Variants in CAMSAP2 observed in about 807,000 individuals in gnomAD.
CAMSAP2 encodes the protein calmodulin regulated spectrin associated protein family member 2.
CAMSAP2 carries 26 observed loss-of-function variants against 146.1 expected under a neutral mutation model. That is an observed-to-expected ratio of 0.18 (90% CI 0.13 to 0.25). The LOEUF (loss-of-function observed/expected upper bound fraction) is 0.25. CAMSAP2 is among the 10% of genes least tolerant of loss of function. The pLI is 1.00. For synonymous variants in CAMSAP2, 499 were observed against 596.6 expected (o/e 0.84, Z 2.38); for missense variants, 1,381 against 1,759.3 (o/e 0.78, Z 3.85).
intron 2 of CAMSAP2, among the ~76,000 whole-genome samples, chr1:200,762,374 C>T (rs1348344341): frequency 6.6e-6 from 1 of 152,080 alleles, no homozygotes; most frequent in African/African-American, 2.4e-5. Context: ...CCAAAATCAC[C>T]TTATAGTTAC....
intron 1 of CAMSAP2, among the ~76,000 whole-genome samples, chr1:200,741,827 G>C (rs1175235662): frequency 6.6e-6 from 1 of 152,238 alleles, no homozygotes; most frequent in Non-Finnish European, 1.5e-5. Flanking sequence ...ATGCTTTGCA[G>C]TAAGTTGTAC....
intron 1 of CAMSAP2, among the ~76,000 whole-genome samples, chr1:200,746,968 A>G (rs1327915414): frequency 6.6e-6 from 1 of 151,872 alleles, no homozygotes; most frequent in Non-Finnish European, 1.5e-5. Flanking sequence ...GAGTGCAGTC[A>G]TGTGATCAAA....
At chr1:200,818,220 TATG>T (rs1571795335) in intron 4 of CAMSAP2, among the ~76,000 whole-genome samples, 1 of 152,314 alleles carries the variant, frequency 6.6e-6, no homozygotes, top group East Asian at 1.9e-4. Context: ...GGGGATTTTA[TATG>T]ATGACAGAGG....
At chr1:200,791,802 CTAAAAATACA>C (rs540789640) in intron 2 of CAMSAP2, among the ~76,000 whole-genome samples, 423 of 152,178 alleles carry the variant, frequency 2.8e-3, no homozygotes, top group African/African-American at 9.4e-3. Flanking sequence ...CCTGTCTCCA[CTAAAAATACA>C]AAAATTAGCT....
chr1:200,789,832 A>G (rs1665698756), intron 2 of CAMSAP2, among the ~76,000 whole-genome samples: 1 of 152,210 alleles, frequency 6.6e-6, no homozygotes, highest in Admixed American at 6.5e-5. Context: ...TTTGTTAATC[A>G]GTTTTATAGC....
intron 6 of CAMSAP2, among the ~76,000 whole-genome samples, chr1:200,833,370 G>A (rs1667094651): frequency 6.6e-6 from 1 of 152,088 alleles, no homozygotes. Context: ...AGACCAGACT[G>A]GGCAACATGG....
Position 200,853,005 on chromosome 1 carries a change from A to G in CAMSAP2, c.3603-270A>G, listed in dbSNP as rs918264154. 2.0e-5 allele frequency among the ~76,000 whole-genome samples: 1 copy of G among 50,944 alleles called. No individual in the cohort carries two copies. The highest frequency in any genetic ancestry group is 1.9e-4 in the Admixed American group (1 of 5,152). 33.4% of individuals were successfully genotyped at this position (50,944 alleles called of 152,430 possible). The stretch of plus-strand genomic sequence containing the variant: ...AAAATAACTTTCCTGGGAGATACAC[A>G]CACACACACACACACACACACACAC... On this transcript the variant is annotated intron_variant, in intron 12 of 16. Coordinates refer to ENST00000358823, the MANE Select transcript of CAMSAP2 (RefSeq NM_203459.4). The surrounding 1 kb of genome is among the most constrained non-coding windows in gnomAD (Gnocchi z 5.1).
chr1:200,759,938 CGTTT>C (rs774086226), intron 1 of CAMSAP2, among the ~76,000 whole-genome samples: 11 of 152,140 alleles, frequency 7.2e-5, no homozygotes, highest in South Asian at 2.1e-4. Flanking sequence ...TTGTTTCTCT[CGTTT>C]GTTTTGGTAA....
At chr1:200,767,371 A>G (rs886397032) in intron 2 of CAMSAP2, among the ~76,000 whole-genome samples, 10 of 152,018 alleles carry the variant, frequency 6.6e-5, no homozygotes, top group Non-Finnish European at 1.2e-4. Flanking sequence ...CAAAAAAAAA[A>G]AAAAAAGAAT....
At chr1:200,830,604 C>T (rs754965634) in intron 4 of CAMSAP2, among the ~76,000 whole-genome samples, 13 of 152,142 alleles carry the variant, frequency 8.5e-5, no homozygotes, top group African/African-American at 2.2e-4. Flanking sequence ...TAGAAGATAC[C>T]GCTGTACTGG....
rs1298042577 is a variant in CAMSAP2, at chr1:200,849,120, G to A, written c.2351G>A (p.Arg784Lys). The change falls in exon 11 of 17, where the codon AGG (arginine) becomes AAG (lysine). Residue 784 changes from arginine to lysine, a missense_variant. By Grantham distance (26) the Arg-to-Lys change is conservative (BLOSUM62 2). This residue lies in a region of CAMSAP2 where 560 missense variants were observed against 715.9 expected (regional missense o/e 0.78). Coordinates refer to ENST00000358823, the MANE Select transcript of CAMSAP2 (RefSeq NM_203459.4). The surrounding 1 kb of genome is among the most constrained non-coding windows in gnomAD (Gnocchi z 6.3). ...ACCAAACAGAGACAGAAAATGGGAA[G>A]GACAGCATTCCTTACTGTAGTGAAA... ...AFTKQRQKMG[R>K]TAFLTVVKKK... The A allele has an allele frequency of 3.1e-6, 5 of 1,613,992 alleles. No homozygotes were observed. Among genetic ancestry groups the A allele is most frequent in the Non-Finnish European group, 4.2e-6 (5 of 1,180,004 alleles).
At chr1:200,823,362 G>T (rs1666823834) in intron 4 of CAMSAP2, among the ~76,000 whole-genome samples, 1 of 152,186 alleles carries the variant, frequency 6.6e-6, no homozygotes, top group South Asian at 2.1e-4. Flanking sequence ...ACTTCACCCA[G>T]TTTTCTCTAA....
rs542302488 is a variant in CAMSAP2 at position 200,807,659 on chromosome 1, A to C, written c.561+122A>C. 1.1e-4 allele frequency: 71 copies of C among 647,140 alleles called. 1 individual carries two copies. Among genetic ancestry groups the C allele is most frequent in the Middle Eastern group, 1.0e-3 (3 of 2,862 alleles). The allele number at this position is 647,140 out of a possible 1,614,324, so 40.1% of individuals were successfully genotyped here. On this transcript the variant is annotated intron_variant, in intron 3 of 16. Transcript: ENST00000358823. ...ATCAAAGTGCAAACTTAAGTTGTAAAATACACTTAAATTTTTTAGTAAAAA... is the reference window on the plus strand; with the variant it reads ...ATCAAAGTGCAAACTTAAGTTGTAACATACACTTAAATTTTTTAGTAAAAA...
intron 2 of CAMSAP2, among the ~76,000 whole-genome samples, chr1:200,766,875 C>T (rs943805893): frequency 6.6e-6 from 1 of 152,086 alleles, no homozygotes; most frequent in African/African-American, 2.4e-5. Flanking sequence ...AAGTAATTTC[C>T]CCTCTCTGTT....
intron 11 of CAMSAP2, among the ~76,000 whole-genome samples, chr1:200,851,482 C>T (rs10920052): frequency 6.6e-6 from 1 of 152,020 alleles, no homozygotes; most frequent in African/African-American, 2.4e-5. Context: ...GGCATGAGCC[C>T]CCGTGCCCAG....
intron 6 of CAMSAP2, among the ~76,000 whole-genome samples, chr1:200,835,807 A>G (rs2102224583): frequency 6.6e-6 from 1 of 152,284 alleles, no homozygotes; most frequent in Middle Eastern, 3.4e-3. Context: ...TGTCAGCTAA[A>G]AATTTAAATG....
intron 6 of CAMSAP2, among the ~76,000 whole-genome samples, chr1:200,838,972 G>A (rs1667250582): frequency 6.6e-6 from 1 of 152,210 alleles, no homozygotes; most frequent in Non-Finnish European, 1.5e-5. Context: ...GTGCCATTCA[G>A]TGAGATAAGG....
intron 3 of CAMSAP2, among the ~76,000 whole-genome samples, chr1:200,810,329 C>T (rs995803121): frequency 1.2e-4 from 19 of 152,276 alleles, no homozygotes; most frequent in African/African-American, 4.6e-4. Flanking sequence ...CCTGTAATCC[C>T]AGCACTTTGG....
chr1:200,832,532 A>G lies in CAMSAP2; in HGVS notation c.788-174A>G, dbSNP rs1389080433. On this transcript the variant is annotated intron_variant, in intron 5 of 16. Coordinates refer to ENST00000358823, the MANE Select transcript of CAMSAP2 (RefSeq NM_203459.4). This position sits in a 1 kb window ranked among gnomAD's most constrained non-coding sequence, Gnocchi z 4.2. ...ATTTATATATAATTCTGAGGGAGGT[A>G]GTTCAAAAAAAAATAGTGCTCGGTT... Among the ~76,000 whole-genome samples, 1 of 152,182 alleles carries G rather than the reference A, an allele frequency of 6.6e-6. No individual in the cohort carries two copies. The highest frequency in any genetic ancestry group is 1.5e-5 in the Non-Finnish European group (1 of 68,032).
Sources: gnomAD v4.1 joint callset for allele counts (sites outside exome capture counted in the v4.1 genomes callset) on GRCh38, gnomAD v4.1.1 for gene constraint, gnomAD v4.1.1 regional missense constraint, Gnocchi (gnomAD v3.1) non-coding constraint, MANE v1.5 for transcripts, NCBI Gene and HGNC (gene_info 2026-07-23, HGNC 2026-07-21) for gene names.